Variants in TTC19 observed in about 807,000 individuals in gnomAD.
TTC19 encodes the protein tetratricopeptide repeat protein 19, mitochondrial.
TTC19 carries 38 observed loss-of-function variants against 49.5 expected under a neutral mutation model. The ratio of observed to expected loss-of-function variants is 0.77; its 90% CI spans 0.59 to 1.01. TTC19 has a LOEUF of 1.01. Among genes scored for constraint, TTC19 ranks in the 50% least tolerant of loss-of-function variants. TTC19 has a pLI of 0.00. For synonymous variants in TTC19, 204 were observed against 185.2 expected (o/e 1.10, Z -0.83); for missense variants, 475 against 477.7 (o/e 0.99, Z 0.05).
At chr17:16,041,544 G>A (rs1205621680) in intron 2 of TTC19, among the ~76,000 whole-genome samples, 2 of 150,628 alleles carry the variant, frequency 1.3e-5, no homozygotes, top group Non-Finnish European at 3.0e-5. Flanking sequence ...CTCCCGAGCA[G>A]CTGGGATTAT....
intron 4 of TTC19, 119 bp downstream of exon 4, chr17:16,002,950 A>G: frequency 1.0e-6 from 1 of 956,040 alleles, no homozygotes; most frequent in Non-Finnish European, 1.7e-6. Flanking sequence ...TAGTGACTCA[A>G]ACAAGATAAA....
chr17:16,024,400 A>G (rs944642094), intron 7 of TTC19: 2 of 151,608 alleles, frequency 1.3e-5, no homozygotes, highest in African/African-American at 4.9e-5. Flanking sequence ...GGTTCACGCC[A>G]TTCCCCTGCC....
downstream of TTC19, chr17:16,032,311 C>A: frequency 6.2e-7 from 1 of 1,612,816 alleles, no homozygotes; most frequent in Non-Finnish European, 8.5e-7. Context: ...CATCACTATC[C>A]GACAGGGTCT....
chr17:16,030,213 G>C, downstream of TTC19: 1 of 228,124 alleles, frequency 4.4e-6, no homozygotes, highest in Non-Finnish European at 8.6e-6. Flanking sequence ...TCATTAAGTG[G>C]AAGTGGATCA....
At chr17:16,024,825 C>T (rs1056250828) in intron 7 of TTC19, 192 bp from the exon 8 acceptor site, 18 of 599,746 alleles carry the variant, frequency 3.0e-5, no homozygotes, top group Admixed American at 8.7e-5. Flanking sequence ...AATTGATGTG[C>T]GGACTCTTAA....
chr17:16,025,618 T>C (rs541105269), intron 8 of TTC19, among the ~76,000 whole-genome samples: 2 of 152,326 alleles, frequency 1.3e-5, no homozygotes, highest in African/African-American at 4.8e-5. Context: ...CTTAAACCAT[T>C]GGCATATTAT....
chr17:16,030,900 A>AGTC (rs1014507386), downstream of TTC19: 1 of 192,934 alleles, frequency 5.2e-6, no homozygotes, highest in Non-Finnish European at 1.1e-5. Flanking sequence ...TCTACTTGAA[A>AGTC]GTCTGTAAAG....
intron 7 of TTC19, among the ~76,000 whole-genome samples, chr17:16,010,276 C>T (rs547860311): frequency 8.8e-5 from 13 of 147,242 alleles, no homozygotes; most frequent in Non-Finnish European, 1.6e-4. Context: ...CGGGTTTAAG[C>T]GGTTCTCCTG....
At chr17:16,024,832 T>C in intron 7 of TTC19, 185 bp from the exon 8 acceptor site, 2 of 624,800 alleles carry the variant, frequency 3.2e-6, no homozygotes, top group Non-Finnish European at 5.7e-6. Flanking sequence ...GTGCGGACTC[T>C]TAATCTACTT....
intron 2 of TTC19, chr17:16,034,920 A>G: frequency 3.1e-6 from 5 of 1,614,094 alleles, no homozygotes; most frequent in East Asian, 2.2e-5. Context: ...TGACTTGCTG[A>G]TCAGCTTTGG....
downstream of TTC19, chr17:16,030,079 G>A (rs560423812): frequency 3.4e-5 from 6 of 177,366 alleles, no homozygotes; most frequent in East Asian, 1.9e-4. Context: ...GAAGTCTTAC[G>A]GATAACATAG....
intron 7 of TTC19, 80 bp from the exon 8 acceptor site, chr17:16,024,937 G>A: frequency 2.3e-6 from 3 of 1,277,320 alleles, no homozygotes; most frequent in Non-Finnish European, 1.1e-6. Flanking sequence ...AGTGACATGT[G>A]GGTCCCATTC....
At chr17:16,022,083 C>T (rs1349269153) in intron 7 of TTC19, among the ~76,000 whole-genome samples, 2 of 107,584 alleles carry the variant, frequency 1.9e-5, no homozygotes, top group Non-Finnish European at 4.5e-5. Context: ...ACATGCTTTT[C>T]CTGGGGTTGT....
exon 3 of TTC19, chr17:16,045,012 AG>A: frequency 2.2e-6 from 1 of 457,288 alleles, no homozygotes; most frequent in East Asian, 4.3e-5. Flanking sequence ...AAAAAAAAAA[AG>A]AATAAACCAG....
chr17:16,044,922 G>C, exon 3 of TTC19: 2 of 665,154 alleles, frequency 3.0e-6, no homozygotes, highest in Non-Finnish European at 5.4e-6. Flanking sequence ...AGAATCTGAG[G>C]AGTCTGATGA....
At chr17:16,000,340 A>AAGAGTGGATG in intron 2 of TTC19, 95 bp downstream of exon 2, 1 of 1,547,022 alleles carries the variant, frequency 6.5e-7, no homozygotes, top group Non-Finnish European at 8.7e-7. Context: ...CGCCTCGCCG[A>AAGAGTGGATG]AGAGTGGATG....
chr17:16,008,750 T>C (rs957814157), intron 7 of TTC19, among the ~76,000 whole-genome samples: 4 of 152,040 alleles, frequency 2.6e-5, no homozygotes, highest in African/African-American at 9.7e-5. Flanking sequence ...CTACCTAGAC[T>C]GTTCTCTCTT....
chr17:16,044,635 C>T (rs765087967), exon 3 of TTC19: 33 of 626,206 alleles, frequency 5.3e-5, no homozygotes, highest in Non-Finnish European at 8.0e-5. Flanking sequence ...CCTCTGTCTC[C>T]GAGCTCGCCT....
Position 16,028,241 on chromosome 17 carries a change from AC to A in TTC19, c.*720del. On this transcript the variant is annotated 3_prime_UTR_variant, in exon 10 of 10. Coordinates refer to ENST00000261647, the MANE Select transcript of TTC19 (RefSeq NM_017775.4). ...TTTGTCTGTGTTATCTGAACACTCTACTTCCTTTGCAGCCTTAGTCACACAA... is the reference window on the plus strand; with the variant it reads ...TTTGTCTGTGTTATCTGAACACTCTATTCCTTTGCAGCCTTAGTCACACAA... 4.4e-6 allele frequency: 2 copies of A among 454,102 alleles called. No individual in the cohort carries two copies. The highest frequency in any genetic ancestry group is 8.8e-6 in the Non-Finnish European group (2 of 226,784). The allele number at this position is 454,102 out of a possible 1,614,324, so 28.1% of individuals were successfully genotyped here. A position where few individuals can be genotyped will look rare whatever the true frequency, so the allele number is the denominator to read the frequency against.
Sources: gnomAD v4.1 joint callset for allele counts (sites outside exome capture counted in the v4.1 genomes callset) on GRCh38, gnomAD v4.1.1 for gene constraint, MANE v1.5 for transcripts, NCBI Gene and HGNC (gene_info 2026-07-23, HGNC 2026-07-21) for gene names.